Variants in CEP290 observed in about 807,000 individuals in gnomAD.
CEP290 encodes centrosomal protein of 290 kDa.
A neutral mutation model predicts 344.9 loss-of-function variants in CEP290; 317 were observed. That is an observed-to-expected ratio of 0.92 (90% confidence interval 0.84 to 1.01). CEP290 has a LOEUF of 1.01. Among genes scored for constraint, CEP290 ranks in the 50% least tolerant of loss-of-function variants. CEP290 has a pLI of 0.00. For missense variants in CEP290, 2,754 were observed against 2,761.4 expected (o/e 1.00, Z 0.06); for synonymous variants, 932 against 895.8 (o/e 1.04, Z -0.72).
chr12:88,078,604 A>C (rs2035959157), intron 39 of CEP290, among the ~76,000 whole-genome samples: 1 of 152,148 alleles, frequency 6.6e-6, no homozygotes, highest in Non-Finnish European at 1.5e-5. Context: ...GATACATATC[A>C]TTATACATTT....
intron 20 of CEP290, 72 bp downstream of exon 20, chr12:88,114,348 G>C (rs993536116): frequency 6.0e-6 from 7 of 1,162,114 alleles, no homozygotes; most frequent in African/African-American, 1.6e-5. Flanking sequence ...AGAAACTATG[G>C]AGATCTGTAC....
chr12:88,141,206 C>T lies in CEP290; in HGVS notation c.102G>A (p.Lys34=). The T allele has an allele frequency of 6.2e-7, 1 of 1,603,580 alleles. No homozygotes were observed. The change falls in exon 2 of 54, where the codon AAG becomes AAA. Residue 34 remains lysine, a splice_region_variant and synonymous_variant. Transcript: ENST00000552810. ...LADNLLISLS[K]VEVNELKSEK... is the part of the protein sequence containing the mutation. ...CTATTATTATTGACCAATTAAGCAC[C>T]TTGGATAAGGAAATCAATAAATTAT...
At chr12:88,052,724 C>T (rs1254962020) in intron 52 of CEP290, among the ~76,000 whole-genome samples, 1 of 152,054 alleles carries the variant, frequency 6.6e-6, no homozygotes, top group Non-Finnish European at 1.5e-5. Flanking sequence ...CTAAAGATAA[C>T]TCATCCTGGT....
At chr12:88,130,163 T>C in intron 9 of CEP290, 105 bp downstream of exon 9, 2 of 1,192,140 alleles carry the variant, frequency 1.7e-6, no homozygotes, top group Non-Finnish European at 1.2e-6. Context: ...TAGTGACAGA[T>C]TTATACCAGG....
At position 88,111,713 on chromosome 12, in the gene CEP290, A is replaced by C; in HGVS notation, c.2198T>G (p.Leu733Trp). Residue 733 changes from leucine to tryptophan, a missense_variant, in exon 21 of 54, where the codon TTG (leucine) becomes TGG (tryptophan). By Grantham distance (61) the Leu-to-Trp change is moderately conservative. Coordinates refer to ENST00000552810, the MANE Select transcript of CEP290 (RefSeq NM_025114.4). The stretch of plus-strand genomic sequence containing the variant: ...TCTCACCTTTAAATTAGCTTTTGCC[A>C]ACTGCTGTGAATAATTTATAGCCTC... Reference protein sequence around the residue: ...RKEAINYSQQLAKANLKIDHL... With the variant: ...RKEAINYSQQWAKANLKIDHL... 6.3e-7 allele frequency: 1 copy of C among 1,588,084 alleles called. No individual in the cohort carries two copies. The highest frequency in any genetic ancestry group is 8.5e-7 in the Non-Finnish European group (1 of 1,170,832).
At chr12:88,060,142 T>A in intron 47 of CEP290, 122 bp from the exon 48 acceptor site, 1 of 874,274 alleles carries the variant, frequency 1.1e-6, no homozygotes. Flanking sequence ...TGATTAGAAT[T>A]AAAGTCTTCA....
chr12:88,051,148 T>G (rs1368646235), intron 52 of CEP290, among the ~76,000 whole-genome samples: 1 of 152,038 alleles, frequency 6.6e-6, no homozygotes, highest in Non-Finnish European at 1.5e-5. Flanking sequence ...ACTAAAAGTT[T>G]GCGAAAGTAA....
intron 38 of CEP290, among the ~76,000 whole-genome samples, chr12:88,079,890 T>C (rs953404482): frequency 2.0e-5 from 3 of 151,888 alleles, no homozygotes; most frequent in African/African-American, 4.8e-5. Flanking sequence ...AAAAAGAAAA[T>C]ACAATGTAAT....
chr12:88,125,455 A>G (rs1028002433), intron 12 of CEP290, 86 bp from the exon 13 acceptor site: 2 of 596,088 alleles, frequency 3.4e-6, no homozygotes, highest in Non-Finnish European at 2.5e-6. Flanking sequence ...ATTTTTTTCA[A>G]CAAGACTGTA....
intron 47 of CEP290, 121 bp downstream of exon 47, chr12:88,060,709 T>C (rs2034411816): frequency 1.5e-6 from 1 of 675,172 alleles, no homozygotes; most frequent in African/African-American, 1.9e-5. Context: ...TCTATATTTA[T>C]AAAATATGTA....
intron 27 of CEP290, among the ~76,000 whole-genome samples, chr12:88,096,221 G>A (rs1233746109): frequency 3.9e-5 from 6 of 151,982 alleles, no homozygotes; most frequent in Admixed American, 3.3e-4. Context: ...GCTAATTTTT[G>A]TACTTTTAGT....
rs758235180 is a variant in CEP290 at position 88,140,934 on chromosome 12, T to C, written c.180+22A>G. On this transcript the variant is annotated intron_variant, in intron 3 of 53. Transcript: ENST00000552810. ...GTTCCACTAATAGCCAAACCTATAGTTAAAACCTACTACATACAAACCTTC... is the reference window on the plus strand; with the variant it reads ...GTTCCACTAATAGCCAAACCTATAGCTAAAACCTACTACATACAAACCTTC... 19 of 1,528,168 alleles carry C rather than the reference T, an allele frequency of 1.2e-5. 1 individual carries two copies. The highest frequency in any genetic ancestry group is 1.7e-5 in the Non-Finnish European group (19 of 1,129,134). 94.7% of individuals were successfully genotyped at this position (1,528,168 alleles called of 1,614,324 possible).
At position 88,079,460 on chromosome 12, in the gene CEP290, T is replaced by C. The variant is rs574140310; in HGVS notation, c.5227-231A>G. ...ATGTGAAAGTTCAAAATCTTAATAA[T>C]GATTTTGAGAACTCAGCATTAAATC... On this transcript the variant is annotated intron_variant, in intron 38 of 53. Coordinates refer to ENST00000552810, the MANE Select transcript of CEP290 (RefSeq NM_025114.4). 2.6e-5 allele frequency among the ~76,000 whole-genome samples: 4 copies of C among 152,286 alleles called. No individual in the cohort carries two copies. The South Asian group carries it at 8.3e-4, about 32-fold the overall frequency.
chr12:88,114,678 GTAAA>G (rs2038931691), intron 19 of CEP290, 116 bp from the exon 20 acceptor site: 2 of 897,346 alleles, frequency 2.2e-6, no homozygotes, highest in African/African-American at 3.5e-5. Context: ...AAATCCAAAT[GTAAA>G]TAAACATACA....
In CEP290 at chr12:88,071,885, C is replaced by T. The variant is rs1384070051; in HGVS notation, c.5751G>A (p.Lys1917=). ...GAATTCCTTCTATTTTGGCTTGCCA[C>T]TTTTTACCTTCTTCCCACCTAATTA... ...EELIRWEEGK[K]WQAKIEGIRN... Residue 1917 remains lysine (K), a synonymous_variant, in exon 42 of 54, where the codon AAG becomes AAA. Transcript: ENST00000552810. 1.2e-6 allele frequency: 2 copies of T among 1,602,324 alleles called. No individual in the cohort carries two copies. Among genetic ancestry groups the T allele is most frequent in the Non-Finnish European group, 1.7e-6 (2 of 1,175,364 alleles).
At chr12:88,071,744 T>C in intron 42 of CEP290, 37 bp downstream of exon 42, 4 of 1,487,000 alleles carry the variant, frequency 2.7e-6, no homozygotes, top group Non-Finnish European at 3.6e-6. Context: ...TAAAGGATTT[T>C]ACACATAATT....
chr12:88,063,273 C>T (rs747354686), intron 45 of CEP290, among the ~76,000 whole-genome samples: 48 of 151,278 alleles, frequency 3.2e-4, no homozygotes, highest in Non-Finnish European at 6.2e-4. Flanking sequence ...AGATTGCTAA[C>T]ATTCTAGATT....
At chr12:88,129,946 T>A in intron 9 of CEP290, 70 bp from the exon 10 acceptor site, 1 of 1,011,822 alleles carries the variant, frequency 9.9e-7, no homozygotes, top group Non-Finnish European at 1.4e-6. Flanking sequence ...CAAATTAAAA[T>A]TAAACGCAGC....
At chr12:88,129,099 A>C (rs945286702) in intron 10 of CEP290, 64 bp from the exon 11 acceptor site, 5 of 784,068 alleles carry the variant, frequency 6.4e-6, no homozygotes, top group Non-Finnish European at 9.5e-6. Context: ...ACACCTGTGC[A>C]TATTTACATA....
Sources: gnomAD v4.1 joint callset for allele counts (sites outside exome capture counted in the v4.1 genomes callset) on GRCh38, gnomAD v4.1.1 for gene constraint, MANE v1.5 for transcripts, NCBI Gene and HGNC (gene_info 2026-07-23, HGNC 2026-07-21) for gene names.